The following DLGAP2 variants were observed in gnomAD, a reference collection of about 807,000 sequenced individuals.
DLGAP2 encodes the protein DLG associated protein 2.
DLGAP2 carries 26 observed loss-of-function variants against 100.3 expected under a neutral mutation model. The ratio of observed to expected loss-of-function variants is 0.26; its 90% CI spans 0.19 to 0.36. DLGAP2 has a LOEUF of 0.36. Ranked by LOEUF, DLGAP2 falls within the 10% of genes least tolerant of loss-of-function variation. DLGAP2 has a pLI of 1.00. For synonymous variants in DLGAP2, 886 were observed against 630.1 expected (o/e 1.41, Z -6.08); for missense variants, 1,858 against 1,453.2 (o/e 1.28, Z -4.53).
At chr8:1,698,937 C>T (rs777716709) in intron 14 of DLGAP2, among the ~76,000 whole-genome samples, 4 of 143,650 alleles carry the variant, frequency 2.8e-5, no homozygotes, top group Admixed American at 7.0e-5. Flanking sequence ...GGCAGGTCTG[C>T]ATAAGCCATG....
At chr8:1,461,141 A>G (rs1798459708) in intron 3 of DLGAP2, among the ~76,000 whole-genome samples, 1 of 142,286 alleles carries the variant, frequency 7.0e-6, no homozygotes, top group African/African-American at 2.7e-5. Context: ...GGCCAGGAGG[A>G]GGGAGAAGGG....
chr8:1,419,441 CGTGTGTGT>C lies in DLGAP2; in HGVS notation c.107-81898_107-81891del, dbSNP rs71190735. Among the ~76,000 whole-genome samples, 33 of 53,006 alleles carry C rather than the reference CGTGTGTGT, an allele frequency of 6.2e-4. 2 individuals are homozygous for C. The highest frequency in any genetic ancestry group is 1.3e-3 in the African/African-American group (16 of 12,374). The allele number at this position is 53,006 out of a possible 152,430, so 34.8% of individuals were successfully genotyped here. A position where few individuals can be genotyped will look rare whatever the true frequency, so the allele number is the denominator to read the frequency against. Reference sequence around the variant, plus strand: ...TGGGATACTGTGTTACACTCTGATACGTGTGTGTGTGTGTGTGTGTGTGTGTGTGTGTG... The same window carrying C: ...TGGGATACTGTGTTACACTCTGATACGTGTGTGTGTGTGTGTGTGTGTGTG... On this transcript the variant is annotated intron_variant, in intron 3 of 14. Coordinates refer to ENST00000637795, the MANE Select transcript of DLGAP2 (RefSeq NM_001346810.2).
Position 899,794 on chromosome 8 carries a change from C to G in DLGAP2, c.19-8118C>G, listed in dbSNP as rs1176347169. On this transcript the variant is annotated intron_variant, in intron 1 of 14. Transcript: ENST00000637795. ...GACACTCTAAAGCGTGTATTCACAT[C>G]TCAGGCTCATGTGGCTGGAGAAGCA... is the stretch of plus-strand genomic sequence containing the variant. Among the ~76,000 whole-genome samples the G allele has an allele frequency of 6.6e-5, 10 of 152,314 alleles. No individual in the cohort carries two copies. In the East Asian group the frequency reaches 1.5e-3, roughly 24 times the overall value.
chr8:1,434,437 T>C (rs150889283), intron 3 of DLGAP2, among the ~76,000 whole-genome samples: 6 of 151,910 alleles, frequency 3.9e-5, no homozygotes, highest in African/African-American at 7.2e-5. Context: ...CACCCACCAC[T>C]GGGTCACTGA....
chr8:747,491 C>G (rs370937869), intron 1 of DLGAP2, among the ~76,000 whole-genome samples: 1 of 123,830 alleles, frequency 8.1e-6, no homozygotes, highest in Admixed American at 9.4e-5. Flanking sequence ...ACGTTCCAGC[C>G]GAGGGGAACG....
At chr8:1,182,439 G>C (rs1024542606) in intron 2 of DLGAP2, among the ~76,000 whole-genome samples, 1 of 152,240 alleles carries the variant, frequency 6.6e-6, no homozygotes, top group Admixed American at 6.5e-5. Flanking sequence ...TCACACGTGT[G>C]ATGTCTGCAT....
At chr8:1,555,302 C>G (rs1433871068) in intron 5 of DLGAP2, among the ~76,000 whole-genome samples, 2 of 152,202 alleles carry the variant, frequency 1.3e-5, no homozygotes, top group Non-Finnish European at 2.9e-5. Context: ...CAGTGTGAGT[C>G]CTAAAACGCC....
At chr8:1,137,417 A>G (rs1238110123) in intron 2 of DLGAP2, 2 of 152,594 alleles carry the variant, frequency 1.3e-5, no homozygotes, top group East Asian at 1.9e-4. Context: ...ATGTCCCGCT[A>G]TCGGTGCGGC....
intron 1 of DLGAP2, among the ~76,000 whole-genome samples, chr8:904,551 G>A (rs1458294840): frequency 1.3e-5 from 2 of 152,214 alleles, no homozygotes; most frequent in Admixed American, 6.5e-5. Flanking sequence ...GACGGCCCCA[G>A]TGGACGTGTG....
chr8:1,311,176 C>T (rs547071215), intron 3 of DLGAP2, among the ~76,000 whole-genome samples: 11 of 152,082 alleles, frequency 7.2e-5, no homozygotes, highest in Admixed American at 3.3e-4. Context: ...CTAGTTAACC[C>T]GGATGACATG....
chr8:1,695,870 A>C (rs563839805), intron 13 of DLGAP2, among the ~76,000 whole-genome samples: 1 of 152,320 alleles, frequency 6.6e-6, no homozygotes, highest in South Asian at 2.1e-4. Flanking sequence ...CCACCCACAG[A>C]GGCTGAGTTC....
At chr8:928,999 A>AC (rs1311592206) in intron 2 of DLGAP2, among the ~76,000 whole-genome samples, 2 of 57,252 alleles carry the variant, frequency 3.5e-5, no homozygotes, top group African/African-American at 7.4e-5. Flanking sequence ...AACATCCCAG[A>AC]CCCCCCACCA....
intron 2 of DLGAP2, among the ~76,000 whole-genome samples, chr8:1,058,354 C>G (rs1563168964): frequency 6.6e-6 from 1 of 152,198 alleles, no homozygotes; most frequent in Non-Finnish European, 1.5e-5. Flanking sequence ...GCCACGGCTC[C>G]GACGGGCGAC....
intron 2 of DLGAP2, among the ~76,000 whole-genome samples, chr8:1,132,928 C>G (rs1796327083): frequency 6.6e-6 from 1 of 152,158 alleles, no homozygotes; most frequent in African/African-American, 2.4e-5. Context: ...AAAATGTTAA[C>G]TCGCTAGAAA....
At chr8:1,270,112 C>T (rs1423492616) in intron 3 of DLGAP2, among the ~76,000 whole-genome samples, 1 of 152,164 alleles carries the variant, frequency 6.6e-6, no homozygotes, top group Non-Finnish European at 1.5e-5. Context: ...AAACTTTCTC[C>T]TGCTGGCCAT....
At chr8:1,277,500 G>A (rs533060245) in intron 3 of DLGAP2, among the ~76,000 whole-genome samples, 2 of 152,194 alleles carry the variant, frequency 1.3e-5, no homozygotes, top group Non-Finnish European at 2.9e-5. Flanking sequence ...CAGGAGTCAG[G>A]AGAATTAGAA....
intron 2 of DLGAP2, among the ~76,000 whole-genome samples, chr8:940,770 A>G (rs1799178697): frequency 6.6e-6 from 1 of 152,188 alleles, no homozygotes; most frequent in African/African-American, 2.4e-5. Flanking sequence ...TGTTCTGATC[A>G]TTATCCAATG....
intron 6 of DLGAP2, among the ~76,000 whole-genome samples, chr8:1,592,068 A>T (rs537139368): frequency 6.6e-6 from 1 of 152,210 alleles, no homozygotes; most frequent in East Asian, 2.0e-4. Context: ...TTTATCCCTT[A>T]TCCACCATGG....
intron 3 of DLGAP2, among the ~76,000 whole-genome samples, chr8:1,333,795 A>G (rs537031399): frequency 2.6e-5 from 4 of 152,366 alleles, no homozygotes; most frequent in Admixed American, 2.0e-4. Flanking sequence ...GGTAAGACAC[A>G]GGGTGGTCCA....
Sources: gnomAD v4.1 joint callset for allele counts (sites outside exome capture counted in the v4.1 genomes callset) on GRCh38, gnomAD v4.1.1 for gene constraint, MANE v1.5 for transcripts, NCBI Gene and HGNC (gene_info 2026-07-23, HGNC 2026-07-21) for gene names.